MYZAP: variants seen among roughly 807,000 people sequenced by gnomAD.
MYZAP encodes myocardial zonula adherens protein.
MYZAP carries 66 observed loss-of-function variants against 69.4 expected under a neutral mutation model. The observed-to-expected ratio is 0.95, with a 90% confidence interval of 0.78 to 1.17. MYZAP has a LOEUF of 1.17. Among genes scored for constraint, MYZAP ranks in the 50% most tolerant of loss-of-function variants. MYZAP has a pLI of 0.00. For missense variants in MYZAP, 611 were observed against 556.2 expected (o/e 1.10, Z -0.99); for synonymous variants, 256 against 205.9 (o/e 1.24, Z -2.09).
chr15:57,625,574 G>A (rs1198179820), intron 4 of MYZAP, among the ~76,000 whole-genome samples: 5 of 152,122 alleles, frequency 3.3e-5, no homozygotes, highest in African/African-American at 1.2e-4. Context: ...GCTAAATGAG[G>A]GTCTGTGAGT....
chr15:57,660,134 G>A (rs2038211253), intron 10 of MYZAP, among the ~76,000 whole-genome samples: 1 of 151,734 alleles, frequency 6.6e-6, no homozygotes, highest in Non-Finnish European at 1.5e-5. Flanking sequence ...GTTCTGTTTT[G>A]TGTTTCCTAA....
intron 1 of MYZAP, among the ~76,000 whole-genome samples, chr15:57,593,186 G>GGGCACACACA (rs2033802762): frequency 3.4e-5 from 1 of 29,298 alleles, no homozygotes; most frequent in African/African-American, 2.7e-4. Context: ...GTGTACACAG[G>GGGCACACACA]CGCACACACA....
intron 11 of MYZAP, among the ~76,000 whole-genome samples, chr15:57,668,894 A>ATTTTTTTTTTTT (rs869270863): frequency 3.2e-5 from 2 of 62,606 alleles, no homozygotes; most frequent in African/African-American, 7.9e-5. Flanking sequence ...ATATATATAT[A>ATTTTTTTTTTTT]TTTTTTTTTT....
chr15:57,626,018 A>G lies in MYZAP; in HGVS notation c.525+126A>G, dbSNP rs1262254124. 3 of 782,388 alleles carry G rather than the reference A, an allele frequency of 3.8e-6. No homozygotes were observed. In the African/African-American group the frequency reaches 5.1e-5, roughly 13 times the overall value. 48.5% of individuals were successfully genotyped at this position (782,388 alleles called of 1,614,324 possible). ...GATTCAGAATTCTTTAAGCAGAACC[A>G]CTGTGAAGACTGTGCCCAGAAGACA... On this transcript the variant is annotated intron_variant, in intron 5 of 12. Transcript: ENST00000267853.
At chr15:57,606,203 A>G (rs1053397407) in intron 2 of MYZAP, among the ~76,000 whole-genome samples, 4 of 152,354 alleles carry the variant, frequency 2.6e-5, no homozygotes, top group Middle Eastern at 3.4e-3. Context: ...GCAGGCAGCC[A>G]GCATTTCAAC....
At chr15:57,627,058 G>A (rs187514967) in intron 5 of MYZAP, among the ~76,000 whole-genome samples, 1 of 152,316 alleles carries the variant, frequency 6.6e-6, no homozygotes, top group Admixed American at 6.5e-5. Context: ...TTCGGACGCT[G>A]TCTCATTCCC....
chr15:57,616,246 G>A (rs1255731291), intron 2 of MYZAP, among the ~76,000 whole-genome samples: 1 of 152,218 alleles, frequency 6.6e-6, no homozygotes, highest in East Asian at 1.9e-4. Context: ...CAGGCAAGGT[G>A]GCTCATGCTT....
chr15:57,601,900 A>G (rs1307742883), intron 1 of MYZAP, among the ~76,000 whole-genome samples: 1 of 152,112 alleles, frequency 6.6e-6, no homozygotes, highest in East Asian at 1.9e-4. Flanking sequence ...AGCAAGTTAG[A>G]GGTGCCTGGT....
chr15:57,624,002 C>G (rs1446752412), intron 4 of MYZAP, among the ~76,000 whole-genome samples: 3 of 152,092 alleles, frequency 2.0e-5, no homozygotes, highest in Admixed American at 2.0e-4. Flanking sequence ...CAGAAAGTAA[C>G]TAACAACTGT....
intron 12 of MYZAP, among the ~76,000 whole-genome samples, chr15:57,682,791 T>A (rs1351056434): frequency 1.3e-5 from 2 of 152,180 alleles, no homozygotes; most frequent in Admixed American, 6.5e-5. Context: ...CCACAAACTG[T>A]GTGCTCACCC....
At chr15:57,658,434 G>A (rs1394531608) in intron 10 of MYZAP, among the ~76,000 whole-genome samples, 5 of 152,094 alleles carry the variant, frequency 3.3e-5, no homozygotes, top group African/African-American at 1.2e-4. Flanking sequence ...TTCTTCTGAT[G>A]CTTTGTTCCA....
intron 10 of MYZAP, chr15:57,646,398 C>A (rs866508059): frequency 2.4e-5 from 27 of 1,117,192 alleles, no homozygotes; most frequent in Non-Finnish European, 2.3e-5. Context: ...CTGACTTGTA[C>A]AGCCTCAAAC....
chr15:57,650,952 T>C (rs2037695039), intron 10 of MYZAP, among the ~76,000 whole-genome samples: 2 of 152,168 alleles, frequency 1.3e-5, no homozygotes, highest in Non-Finnish European at 2.9e-5. Flanking sequence ...CCAATTGTGA[T>C]GGTTTATTAG....
At chr15:57,673,393 A>G (rs974979848) in intron 11 of MYZAP, among the ~76,000 whole-genome samples, 2 of 151,896 alleles carry the variant, frequency 1.3e-5, no homozygotes, top group Admixed American at 6.6e-5. Flanking sequence ...GAGAGTTCAG[A>G]CATTGCTGGG....
chr15:57,618,334 A>T, intron 3 of MYZAP, 146 bp downstream of exon 3: 1 of 1,310,374 alleles, frequency 7.6e-7, no homozygotes, highest in South Asian at 1.6e-5. Context: ...GTTTCTGTGT[A>T]TCTTCATGGT....
At chr15:57,668,665 G>A (rs2140586408) in intron 11 of MYZAP, among the ~76,000 whole-genome samples, 1 of 152,134 alleles carries the variant, frequency 6.6e-6, no homozygotes, top group African/African-American at 2.4e-5. Context: ...CTTTTCATAT[G>A]CTTTTTGCCA....
At chr15:57,636,288 T>G (rs1382360297) in intron 8 of MYZAP, among the ~76,000 whole-genome samples, 1 of 152,128 alleles carries the variant, frequency 6.6e-6, no homozygotes, top group Non-Finnish European at 1.5e-5. Flanking sequence ...GCTGTAGAGA[T>G]TTAAAAACAG....
chr15:57,683,710 C>G (rs2039550612), intron 12 of MYZAP, among the ~76,000 whole-genome samples: 1 of 152,098 alleles, frequency 6.6e-6, no homozygotes, highest in Non-Finnish European at 1.5e-5. Flanking sequence ...CAGTGTTTGG[C>G]AAGGACTTGC....
At chr15:57,612,097 C>G (rs56166515) in intron 2 of MYZAP, among the ~76,000 whole-genome samples, 31,922 of 152,210 alleles carry the variant, frequency 0.21, 3,787 homozygotes, top group Non-Finnish European at 0.27. Flanking sequence ...AGAGCACATT[C>G]CCGAAGTGCC....
Sources: gnomAD v4.1 joint callset for allele counts (sites outside exome capture counted in the v4.1 genomes callset) on GRCh38, gnomAD v4.1.1 for gene constraint, MANE v1.5 for transcripts, NCBI Gene and HGNC (gene_info 2026-07-23, HGNC 2026-07-21) for gene names.